The following MYL12B variants were observed in gnomAD, a reference collection of about 807,000 sequenced individuals.
MYL12B encodes the protein myosin light chain 12B, also known as myosin regulatory light chain 12B.
Under a neutral mutation model 12.9 loss-of-function variants are expected in MYL12B, and 3 were observed. That is an observed-to-expected ratio of 0.23 (90% CI 0.11 to 0.60). The LOEUF (loss-of-function observed/expected upper bound fraction) is 0.60, where lower values mean the gene tolerates loss of function less well. Among genes scored for constraint, MYL12B ranks in the 20% least tolerant of loss-of-function variants. The pLI is 0.89. For synonymous variants in MYL12B, 57 were observed against 71.9 expected (o/e 0.79, Z 1.05); for missense variants, 120 against 215.4 (o/e 0.56, Z 2.77).
intron 1 of MYL12B, chr18:3,272,017 C>T (rs1197380645): frequency 1.0e-6 from 1 of 967,732 alleles, no homozygotes; most frequent in Non-Finnish European, 1.2e-6. Flanking sequence ...TAGTGAGAAA[C>T]CCCCCATCTC....
intron 1 of MYL12B, among the ~76,000 whole-genome samples, chr18:3,269,012 A>G (rs1284285721): frequency 6.6e-6 from 1 of 152,188 alleles, no homozygotes; most frequent in Non-Finnish European, 1.5e-5. Context: ...TGGGGCTGGA[A>G]AAATAGCAGG....
intron 1 of MYL12B, among the ~76,000 whole-genome samples, chr18:3,269,922 G>T (rs2081664104): frequency 6.6e-6 from 1 of 152,212 alleles, no homozygotes; most frequent in Non-Finnish European, 1.5e-5. Context: ...AGTTCTTCAA[G>T]GTTGGGACCC....
At chr18:3,272,821 C>A in intron 1 of MYL12B, 63 bp from the exon 2 acceptor site, 6 of 1,378,406 alleles carry the variant, frequency 4.4e-6, no homozygotes, top group Non-Finnish European at 5.8e-6. Flanking sequence ...ATTATGTATT[C>A]TGTTTTTGCT....
chr18:3,274,947 G>C (rs1234971590), intron 2 of MYL12B, among the ~76,000 whole-genome samples: 5 of 152,198 alleles, frequency 3.3e-5, no homozygotes, highest in Non-Finnish European at 7.3e-5. Context: ...ATATGATCCA[G>C]CAATCCCACT....
chr18:3,262,507 G>A (rs2081601147), intron 1 of MYL12B: 1 of 152,412 alleles, frequency 6.6e-6, no homozygotes, highest in Middle Eastern at 3.4e-3. Context: ...GAGACGCCCT[G>A]CTGGAGAAGT....
At chr18:3,271,536 C>T (rs571736738) in intron 1 of MYL12B, among the ~76,000 whole-genome samples, 1 of 152,144 alleles carries the variant, frequency 6.6e-6, no homozygotes, top group Non-Finnish European at 1.5e-5. Flanking sequence ...TTTCACATTG[C>T]AGGAAGTTAC....
At chr18:3,264,717 A>G (rs1185741291) in intron 1 of MYL12B, among the ~76,000 whole-genome samples, 1 of 152,218 alleles carries the variant, frequency 6.6e-6, no homozygotes, top group Non-Finnish European at 1.5e-5. Context: ...TATTGAATGA[A>G]AGAAGACAGG....
In MYL12B at chr18:3,274,872, T is replaced by G. The variant is rs578020823; in HGVS notation, c.184+1790T>G. ...CATACATTATTGGTAGGAATGTAAATAAGTACAGCCACTGTGAAGGACATT... is the reference window on the plus strand; with the variant it reads ...CATACATTATTGGTAGGAATGTAAAGAAGTACAGCCACTGTGAAGGACATT... On this transcript the variant is annotated intron_variant, in intron 2 of 3. Transcript: ENST00000237500. Among the ~76,000 whole-genome samples the G allele has an allele frequency of 1.5e-3, 231 of 152,300 alleles. 3 individuals carry two copies. The South Asian group carries it at 0.032, about 21-fold the overall frequency.
chr18:3,276,997 A>G, intron 2 of MYL12B: 1 of 984,190 alleles, frequency 1.0e-6, no homozygotes, highest in Non-Finnish European at 1.2e-6. Flanking sequence ...GTTTTTAATG[A>G]AAAATAATGA....
chr18:3,266,446 C>T (rs8092392), intron 1 of MYL12B, among the ~76,000 whole-genome samples: 144,791 of 152,074 alleles, frequency 0.95, 68,967 homozygotes, highest in Non-Finnish European at 0.98. Context: ...ACTGGTTACA[C>T]GGGTCAACAC....
intron 1 of MYL12B, among the ~76,000 whole-genome samples, chr18:3,269,204 G>A (rs1221559536): frequency 6.6e-6 from 1 of 152,180 alleles, no homozygotes; most frequent in Admixed American, 6.5e-5. Flanking sequence ...CCTTTAGAAA[G>A]TGGAGAGCCA....
At position 3,278,402 on chromosome 18, in the gene MYL12B, C is replaced by A. The variant is rs1324351392; in HGVS notation, c.*465C>A. ...TTCACATATATGGGACAGTGTTCTT[C>A]AGAACTTTTAAGTACCCTTTAACAT... On this transcript the variant is annotated 3_prime_UTR_variant, in exon 4 of 4. Transcript: ENST00000237500. The A allele has an allele frequency of 6.5e-6, 1 of 154,628 alleles. No individual in the cohort carries two copies. Among genetic ancestry groups the A allele is most frequent in the Non-Finnish European group, 1.4e-5 (1 of 69,854 alleles). The allele number at this position is 154,628 out of a possible 1,614,324, so 9.6% of individuals were successfully genotyped here. A position where few individuals can be genotyped will look rare whatever the true frequency, so the allele number is the denominator to read the frequency against.
intron 1 of MYL12B, among the ~76,000 whole-genome samples, chr18:3,270,943 AT>A (rs2081673413): frequency 6.6e-6 from 1 of 152,152 alleles, no homozygotes; most frequent in Non-Finnish European, 1.5e-5. Flanking sequence ...AAGTGTTGAG[AT>A]TATAGGTGTG....
In MYL12B at chr18:3,266,472, G is replaced by A. The variant is rs563062971; in HGVS notation, c.-16+4235G>A. Among the ~76,000 whole-genome samples the A allele has an allele frequency of 4.6e-4, 67 of 145,296 alleles. No individual in the cohort carries two copies. In the South Asian group the frequency reaches 0.011, roughly 25 times the overall value. ...GGGTCAACACTTTTCATTGTTGGAG[G>A]GGACTGCACAAGGGCATGAAAATTG... On this transcript the variant is annotated intron_variant, in intron 1 of 3. Coordinates refer to ENST00000237500, the MANE Select transcript of MYL12B (RefSeq NM_033546.4).
chr18:3,277,080 A>G (rs546939781), intron 2 of MYL12B, 173 bp from the exon 3 acceptor site: 1 of 934,282 alleles, frequency 1.1e-6, no homozygotes, highest in Non-Finnish European at 1.3e-6. Flanking sequence ...TGATGTATCC[A>G]ATATTTTTTA....
At chr18:3,277,742 T>G (rs201308950) in intron 3 of MYL12B, 23 bp from the exon 4 acceptor site, 304 of 1,596,338 alleles carry the variant, frequency 1.9e-4, no homozygotes, top group Non-Finnish European at 2.5e-4. Flanking sequence ...GATGACTGCT[T>G]TCTTCTTTCT....
chr18:3,273,136 T>C (rs775334511), intron 2 of MYL12B, 54 bp downstream of exon 2: 6 of 1,496,238 alleles, frequency 4.0e-6, no homozygotes, highest in Non-Finnish European at 4.5e-6. Context: ...TTTGTCTCTT[T>C]ATGAATCTTT....
chr18:3,267,895 T>G (rs1227773359), intron 1 of MYL12B, among the ~76,000 whole-genome samples: 1 of 152,238 alleles, frequency 6.6e-6, no homozygotes. Flanking sequence ...GCATATAACC[T>G]ACACATATCC....
chr18:3,273,546 C>CTTAAA lies in MYL12B; in HGVS notation c.184+465_184+466insTAAAT, dbSNP rs1555636086. ...ATATTTTGTATGATTTTTTTAATAA[C>CTTAAA]TAAAATGTAAAGATACAGGATTTAA... On this transcript the variant is annotated intron_variant, in intron 2 of 3. Transcript: ENST00000237500. Among the ~76,000 whole-genome samples, 191 of 152,104 alleles carry CTTAAA rather than the reference C, an allele frequency of 1.3e-3. 1 individual carries two copies. The highest frequency in any genetic ancestry group is 4.4e-3 in the African/African-American group (184 of 41,492).
Sources: allele counts gnomAD v4.1 joint callset (sites outside exome capture counted in the v4.1 genomes callset), GRCh38; gene constraint gnomAD v4.1.1; transcripts MANE v1.5; gene names NCBI Gene and HGNC (gene_info 2026-07-23, HGNC 2026-07-21).